SLC20A2: variants seen among roughly 807,000 people sequenced by gnomAD.
The protein encoded by SLC20A2 is solute carrier family 20 member 2.
Under a neutral mutation model 61.0 loss-of-function variants are expected in SLC20A2, and 30 were observed. That is an observed-to-expected ratio of 0.49 (90% CI 0.37 to 0.67). The LOEUF (loss-of-function observed/expected upper bound fraction) is 0.67. Ranked by LOEUF, SLC20A2 falls within the 30% of genes least tolerant of loss-of-function variation. SLC20A2 has a pLI of 0.00. For missense variants in SLC20A2, 626 were observed against 866.4 expected (o/e 0.72, Z 3.48); for synonymous variants, 351 against 353.3 (o/e 0.99, Z 0.07).
At chr8:42,475,657 C>A (rs1471828865) in intron 1 of SLC20A2, among the ~76,000 whole-genome samples, 1 of 151,374 alleles carries the variant, frequency 6.6e-6, no homozygotes, top group African/African-American at 2.4e-5. Flanking sequence ...GTGATCCACC[C>A]CACTTGGCCT....
chr8:42,493,374 G>A (rs535000313), intron 1 of SLC20A2, among the ~76,000 whole-genome samples: 32 of 151,972 alleles, frequency 2.1e-4, no homozygotes, highest in African/African-American at 7.7e-4. Context: ...GAGATACACC[G>A]TGATACTACA....
intron 8 of SLC20A2, among the ~76,000 whole-genome samples, chr8:42,436,190 C>T (rs1307258616): frequency 6.6e-6 from 1 of 152,086 alleles, no homozygotes; most frequent in Admixed American, 6.6e-5. Context: ...GCTGTTTCCT[C>T]GGTCTGTGCA....
chr8:42,450,572 G>A (rs770637343), intron 5 of SLC20A2, among the ~76,000 whole-genome samples: 1 of 151,528 alleles, frequency 6.6e-6, no homozygotes, highest in South Asian at 2.1e-4. Context: ...CGCCCAGGCT[G>A]GAATGCAGTG....
intron 1 of SLC20A2, among the ~76,000 whole-genome samples, chr8:42,495,271 T>C (rs1304052050): frequency 6.6e-6 from 1 of 152,216 alleles, no homozygotes; most frequent in Non-Finnish European, 1.5e-5. Context: ...TTCCTCTTTG[T>C]ACAGAAATGA....
chr8:42,439,724 G>A, intron 6 of SLC20A2, 71 bp from the exon 7 acceptor site: 1 of 1,133,790 alleles, frequency 8.8e-7, no homozygotes, highest in South Asian at 1.3e-5. Context: ...ATATTAAAAA[G>A]TGAATCTATA....
chr8:42,519,552 T>C (rs1412302854), intron 1 of SLC20A2, among the ~76,000 whole-genome samples: 1 of 152,178 alleles, frequency 6.6e-6, no homozygotes, highest in Non-Finnish European at 1.5e-5. Flanking sequence ...CCTAGATATT[T>C]TGAATATGCA....
rs1454288759 is a variant in SLC20A2 at position 42,437,781 on chromosome 8, C to G, written c.935-204G>C. 6.6e-6 allele frequency among the ~76,000 whole-genome samples: 1 copy of G among 151,626 alleles called. No homozygotes were observed. The highest frequency in any genetic ancestry group is 1.5e-5 in the Non-Finnish European group (1 of 67,896). ...CAAGCGCGACACCATGCCCAGCTAA[C>G]TTTTTTGTATTTTTAGTAGAGATGG... On this transcript the variant is annotated intron_variant, in intron 7 of 10. Transcript: ENST00000520262. The surrounding 1 kb of genome is among the most constrained non-coding windows in gnomAD (Gnocchi z 6.4).
intron 3 of SLC20A2, among the ~76,000 whole-genome samples, chr8:42,464,092 C>CTTTTTTTT (rs1170751054): frequency 0.012 from 244 of 20,544 alleles, 98 homozygotes; most frequent in East Asian, 0.039. Flanking sequence ...GCTGGATGAT[C>CTTTTTTTT]TTTTTTTTTT....
chr8:42,537,849 G>A (rs985806986), intron 1 of SLC20A2: 6 of 152,166 alleles, frequency 3.9e-5, no homozygotes, highest in African/African-American at 1.4e-4. Flanking sequence ...CAAAAGTAGT[G>A]CTTAGATGTC....
rs147446259 is a variant in SLC20A2, at chr8:42,510,108, A to C, written c.-265+31713T>G. Among the ~76,000 whole-genome samples, 120 of 152,354 alleles carry C rather than the reference A, an allele frequency of 7.9e-4. 1 individual carries two copies. The highest frequency in any genetic ancestry group is 2.7e-3 in the African/African-American group (111 of 41,588). On this transcript the variant is annotated intron_variant, in intron 1 of 10. Transcript: ENST00000342228. ...ATATCTAAACTGAAAATACTTTTAAATGCAGTTTTATTACTTGAATCAACA... is the reference window on the plus strand; with the variant it reads ...ATATCTAAACTGAAAATACTTTTAACTGCAGTTTTATTACTTGAATCAACA...
At chr8:42,465,552 G>A (rs533600453) in intron 3 of SLC20A2, among the ~76,000 whole-genome samples, 8 of 151,828 alleles carry the variant, frequency 5.3e-5, no homozygotes, top group East Asian at 2.0e-4. Context: ...ATTAGCAGGC[G>A]TGGTAGGAGG....
intron 1 of SLC20A2, among the ~76,000 whole-genome samples, chr8:42,511,683 T>G (rs1038928383): frequency 1.3e-5 from 2 of 151,130 alleles, no homozygotes; most frequent in Non-Finnish European, 2.9e-5. Flanking sequence ...CAAGCTCAAA[T>G]TAAGAGATAA....
chr8:42,524,899 A>G (rs1285382125), intron 1 of SLC20A2, among the ~76,000 whole-genome samples: 1 of 152,232 alleles, frequency 6.6e-6, no homozygotes, highest in Non-Finnish European at 1.5e-5. Flanking sequence ...CTACTGCATA[A>G]TCCCAGGCAA....
At chr8:42,518,332 C>T (rs898634257) in intron 1 of SLC20A2, among the ~76,000 whole-genome samples, 2 of 152,142 alleles carry the variant, frequency 1.3e-5, no homozygotes, top group African/African-American at 4.8e-5. Context: ...TAAAGCCATA[C>T]CAAATGGCTA....
intron 1 of SLC20A2, among the ~76,000 whole-genome samples, chr8:42,511,142 C>A (rs772685521): frequency 1.3e-5 from 2 of 152,308 alleles, no homozygotes; most frequent in Middle Eastern, 3.4e-3. Flanking sequence ...ATTCTCAAGA[C>A]TCCTGCCTTT....
intron 1 of SLC20A2, among the ~76,000 whole-genome samples, chr8:42,507,922 G>A (rs570794128): frequency 2.0e-5 from 3 of 152,340 alleles, no homozygotes; most frequent in African/African-American, 7.2e-5. Flanking sequence ...CACTTTGGGA[G>A]GCTGAGGCGG....
intron 1 of SLC20A2, among the ~76,000 whole-genome samples, chr8:42,533,071 C>T (rs1812442940): frequency 6.6e-6 from 1 of 152,116 alleles, no homozygotes; most frequent in African/African-American, 2.4e-5. Flanking sequence ...CAGAACAGGC[C>T]TATCAGGGAA....
intron 1 of SLC20A2, among the ~76,000 whole-genome samples, chr8:42,537,066 G>C (rs1346251438): frequency 6.7e-6 from 1 of 149,952 alleles, no homozygotes; most frequent in Admixed American, 6.7e-5. Context: ...CAGAGCCGGA[G>C]TCTGTTTAAA....
Position 42,488,761 on chromosome 8 carries a change from G to A in SLC20A2, c.-265+12270C>T, listed in dbSNP as rs79892398. 4.4e-3 allele frequency among the ~76,000 whole-genome samples: 671 copies of A among 152,124 alleles called. 18 individuals are homozygous for A. The South Asian group carries it at 0.064, about 15-fold the overall frequency. On this transcript the variant is annotated intron_variant, in intron 1 of 10. Coordinates refer to ENST00000520262, the MANE Select transcript of SLC20A2 (RefSeq NM_001257180.2). Reference sequence around the variant, plus strand: ...GATAGCCATCCTAATGGGTGGAGGTGGTAGCTCATTGTGGTATGATTTTTC... The same window carrying A: ...GATAGCCATCCTAATGGGTGGAGGTAGTAGCTCATTGTGGTATGATTTTTC...
Sources: gnomAD v4.1 joint callset for allele counts (sites outside exome capture counted in the v4.1 genomes callset) on GRCh38, gnomAD v4.1.1 for gene constraint, Gnocchi (gnomAD v3.1) non-coding constraint, MANE v1.5 for transcripts, NCBI Gene and HGNC (gene_info 2026-07-23, HGNC 2026-07-21) for gene names.